SYCP1: variants seen among roughly 807,000 people sequenced by gnomAD.
The protein encoded by SYCP1 is synaptonemal complex protein 1, also known as cancer/testis antigen 8.
A neutral mutation model predicts 153.1 loss-of-function variants in SYCP1; 64 were observed. The ratio of observed to expected loss-of-function variants is 0.42; its 90% CI spans 0.34 to 0.51. The LOEUF (loss-of-function observed/expected upper bound fraction) is 0.51, where lower values mean the gene tolerates loss of function less well. SYCP1 is among the 20% of genes least tolerant of loss of function. SYCP1 has a pLI of 0.06. For missense variants in SYCP1, 997 were observed against 1,049.0 expected (o/e 0.95, Z 0.68); for synonymous variants, 384 against 341.8 (o/e 1.12, Z -1.36).
At chr1:114,932,724 G>T (rs1669717492) in intron 23 of SYCP1, among the ~76,000 whole-genome samples, 1 of 152,184 alleles carries the variant, frequency 6.6e-6, no homozygotes, top group Non-Finnish European at 1.5e-5. Context: ...TTTTCCAATG[G>T]TCTTAGCAAA....
intron 23 of SYCP1, among the ~76,000 whole-genome samples, chr1:114,928,439 A>C (rs1284965971): frequency 6.6e-6 from 1 of 152,178 alleles, no homozygotes; most frequent in African/African-American, 2.4e-5. Context: ...GTATGCAGCA[A>C]AAAGCTTTAT....
intron 2 of SYCP1, 31 bp downstream of exon 2, chr1:114,855,603 C>CAAG (rs747051438): frequency 6.0e-6 from 9 of 1,488,076 alleles, no homozygotes; most frequent in Middle Eastern, 1.7e-4. Flanking sequence ...TAATTGGACT[C>CAAG]TTCTTAACTT....
At position 114,878,135 on chromosome 1, in the gene SYCP1, A is replaced by C. The variant is rs1453495960; in HGVS notation, c.843A>C (p.Lys281Asn). The change falls in exon 12 of 32, where the codon AAA becomes AAC. Residue 281 changes from lysine to asparagine, a missense_variant. Lys to Asn is a moderately conservative substitution (Grantham distance 94). Transcript: ENST00000369522. ...TCCAAATCACTGAGAAAGAAAATAA[A>C]ATGAAAGATTTAACATTTCTGCTAG... ...LLIQITEKENKMKDLTFLLEE... is the reference protein window; with the variant it reads ...LLIQITEKENNMKDLTFLLEE... 1 of 1,586,834 alleles carries C rather than the reference A, an allele frequency of 6.3e-7. No individual in the cohort carries two copies. Among genetic ancestry groups the C allele is most frequent in the Non-Finnish European group, 8.6e-7 (1 of 1,160,054 alleles).
intron 27 of SYCP1, among the ~76,000 whole-genome samples, chr1:114,950,618 C>T (rs1204086811): frequency 6.6e-6 from 1 of 151,874 alleles, no homozygotes; most frequent in African/African-American, 2.4e-5. Flanking sequence ...TAAAAAATGT[C>T]CACTTTTATT....
intron 23 of SYCP1, among the ~76,000 whole-genome samples, chr1:114,940,761 T>C (rs532770631): frequency 6.6e-6 from 1 of 152,284 alleles, no homozygotes; most frequent in Non-Finnish European, 1.5e-5. Flanking sequence ...GTTGGGTGTT[T>C]CCTTTATGTA....
chr1:114,990,339 A>C (rs72695853), intron 30 of SYCP1, among the ~76,000 whole-genome samples: 3,544 of 152,090 alleles, frequency 0.023, 56 homozygotes, highest in South Asian at 0.035. Context: ...GGATACAGCA[A>C]AAACAGTGCT....
intron 27 of SYCP1, among the ~76,000 whole-genome samples, chr1:114,965,480 T>C (rs1672057714): frequency 6.6e-6 from 1 of 152,240 alleles, no homozygotes; most frequent in Non-Finnish European, 1.5e-5. Flanking sequence ...TTCAGTATGA[T>C]ATTGGCTATG....
chr1:114,984,984 T>C, intron 30 of SYCP1, 116 bp downstream of exon 30: 1 of 432,672 alleles, frequency 2.3e-6, no homozygotes, highest in Non-Finnish European at 3.6e-6. Flanking sequence ...AATACTGATA[T>C]ACAGTGGAGC....
At chr1:114,986,926 G>T (rs1673554145) in intron 30 of SYCP1, among the ~76,000 whole-genome samples, 1 of 152,018 alleles carries the variant, frequency 6.6e-6, no homozygotes, top group Non-Finnish European at 1.5e-5. Context: ...CCAGCCTACA[G>T]TCCTGTGTCA....
rs192349104 is a variant in SYCP1 at position 114,985,446 on chromosome 1, G to T, written c.2703+578G>T. Reference sequence around the variant, plus strand: ...CACTGTTTTCTGAAGGCATAATAATGGTTTATTGAGAATAATGAAGCTTAG... The same window carrying T: ...CACTGTTTTCTGAAGGCATAATAATTGTTTATTGAGAATAATGAAGCTTAG... On this transcript the variant is annotated intron_variant, in intron 30 of 31. Transcript: ENST00000369522. 3.4e-4 allele frequency among the ~76,000 whole-genome samples: 51 copies of T among 151,904 alleles called. No homozygotes were observed. The East Asian group carries it at 7.0e-3, about 21-fold the overall frequency.
At chr1:114,918,808 A>G (rs1159211958) in intron 20 of SYCP1, among the ~76,000 whole-genome samples, 1 of 152,012 alleles carries the variant, frequency 6.6e-6, no homozygotes, top group Non-Finnish European at 1.5e-5. Context: ...CTGTTGGCAT[A>G]TAGAAATGCT....
chr1:114,981,763 A>T (rs1025250021), intron 29 of SYCP1, among the ~76,000 whole-genome samples: 7 of 152,036 alleles, frequency 4.6e-5, no homozygotes, highest in Non-Finnish European at 1.0e-4. Flanking sequence ...GGTGTAAGCC[A>T]CTGTGCCTGG....
At chr1:114,894,064 C>CT (rs969433303) in intron 15 of SYCP1, among the ~76,000 whole-genome samples, 4 of 150,072 alleles carry the variant, frequency 2.7e-5, no homozygotes, top group South Asian at 2.1e-4. Flanking sequence ...TTTTCTCGTA[C>CT]TTTTTTTTCT....
At position 114,928,759 on chromosome 1, in the gene SYCP1, T is replaced by C. The variant is rs534571583; in HGVS notation, c.1926+2196T>C. Among the ~76,000 whole-genome samples, 13 of 152,310 alleles carry C rather than the reference T, an allele frequency of 8.5e-5. No homozygotes were observed. The South Asian group carries it at 2.7e-3, about 32-fold the overall frequency. ...TTACATTACATGTGAAATAGTACAA[T>C]ATTAACACTTAAATAGAGTTTGGTA... On this transcript the variant is annotated intron_variant, in intron 23 of 31. Transcript: ENST00000369522.
Position 114,857,290 on chromosome 1 carries a change from G to C in SYCP1, c.237+15G>C. The C allele has an allele frequency of 6.3e-7, 1 of 1,599,564 alleles. No homozygotes were observed. Among genetic ancestry groups the C allele is most frequent in the Non-Finnish European group, 8.5e-7 (1 of 1,173,986 alleles). ...TGCTTGAGCAGGTCAGTTAAGCATA[G>C]TACATGTAGATATAATCTGTTTAGG... On this transcript the variant is annotated intron_variant, in intron 4 of 31. Transcript: ENST00000369522.
At position 114,995,197 on chromosome 1, in the gene SYCP1, C is replaced by A; in HGVS notation, c.*178C>A. On this transcript the variant is annotated 3_prime_UTR_variant, in exon 32 of 32. Coordinates refer to ENST00000369522, the MANE Select transcript of SYCP1 (RefSeq NM_003176.4). ...ATGTTAACTACATATTGTCTGGAAA[C>A]CTGTCATTGTATTCAGATAATTAGA... 3.9e-6 allele frequency: 2 copies of A among 517,028 alleles called. No homozygotes were observed. The highest frequency in any genetic ancestry group is 6.4e-6 in the Non-Finnish European group (2 of 313,076). The allele number at this position is 517,028 out of a possible 1,614,324, so 32.0% of individuals were successfully genotyped here.
At chr1:114,917,136 C>T (rs1185104746) in intron 20 of SYCP1, among the ~76,000 whole-genome samples, 1 of 152,130 alleles carries the variant, frequency 6.6e-6, no homozygotes, top group East Asian at 1.9e-4. Context: ...CCATTTCCTC[C>T]TATCACCACT....
intron 20 of SYCP1, among the ~76,000 whole-genome samples, chr1:114,915,558 C>T (rs1668464661): frequency 6.6e-6 from 1 of 152,224 alleles, no homozygotes; most frequent in Admixed American, 6.5e-5. Flanking sequence ...AAGCCAATTA[C>T]AAAGGGACAG....
intron 21 of SYCP1, among the ~76,000 whole-genome samples, chr1:114,924,871 T>C (rs560465535): frequency 5.9e-5 from 9 of 152,154 alleles, no homozygotes; most frequent in East Asian, 5.8e-4. Flanking sequence ...GACATGAAGA[T>C]TGTTAAAATT....
Sources: gnomAD v4.1 joint callset for allele counts (sites outside exome capture counted in the v4.1 genomes callset) on GRCh38, gnomAD v4.1.1 for gene constraint, MANE v1.5 for transcripts, NCBI Gene and HGNC (gene_info 2026-07-23, HGNC 2026-07-21) for gene names.